The following DCBLD1 variants were observed in gnomAD, a reference collection of about 807,000 sequenced individuals.
DCBLD1 encodes the protein discoidin, CUB and LCCL domain containing 1, also known as discoidin, CUB and LCCL domain-containing protein 1.
Under a neutral mutation model 71.5 loss-of-function variants are expected in DCBLD1, and 57 were observed. The observed-to-expected ratio is 0.80, with a 90% CI of 0.64 to 0.99. DCBLD1 has a LOEUF of 0.99. DCBLD1 is among the 50% of genes least tolerant of loss of function. The pLI is 0.00. For missense variants in DCBLD1, 891 were observed against 923.5 expected, an observed-to-expected ratio of 0.96 and a Z score of 0.46; for synonymous variants, 380 against 363.8, an observed-to-expected ratio of 1.04 and a Z score of -0.51.
intron 14 of DCBLD1, chr6:117,547,693 C>A: frequency 1.0e-6 from 1 of 994,328 alleles, no homozygotes; most frequent in Non-Finnish European, 1.6e-6. Context: ...TGAGAAGACC[C>A]TGCGAAGCTT....
At chr6:117,537,916 A>G (rs1778954332) in intron 7 of DCBLD1, among the ~76,000 whole-genome samples, 10 of 152,132 alleles carry the variant, frequency 6.6e-5, no homozygotes, top group Admixed American at 6.5e-4. Flanking sequence ...AAATCCCTTT[A>G]TCTTAGATTT....
intron 14 of DCBLD1, chr6:117,566,902 G>T (rs776807686): frequency 6.2e-7 from 1 of 1,605,780 alleles, no homozygotes; most frequent in South Asian, 1.1e-5. Context: ...CTAGCACCAG[G>T]GTTACCACCT....
intron 11 of DCBLD1, among the ~76,000 whole-genome samples, chr6:117,542,153 C>T (rs12197657): frequency 0.011 from 1,613 of 151,938 alleles, 19 homozygotes; most frequent in Non-Finnish European, 0.016. Flanking sequence ...ATTAGCTGGG[C>T]GTGGCAGCAT....
intron 14 of DCBLD1, chr6:117,562,027 A>G (rs1039738079): frequency 6.3e-5 from 13 of 206,020 alleles, no homozygotes; most frequent in African/African-American, 2.5e-4. Flanking sequence ...CCTTTAAAAC[A>G]GTGATATTAG....
chr6:117,549,365 A>G lies in DCBLD1; in HGVS notation c.*926A>G. On this transcript the variant is annotated 3_prime_UTR_variant, in exon 15 of 15. Transcript: ENST00000338728. ...TGCAAAAGTGATTCTGACCAAGTCT[A>G]AATCGAGCTTTTCTACTGACATGAA... The G allele has an allele frequency of 1.0e-6, 1 of 985,436 alleles. No individual in the cohort carries two copies. The highest frequency in any genetic ancestry group is 1.2e-6 in the Non-Finnish European group (1 of 829,928). The allele number at this position is 985,436 out of a possible 1,614,324, so 61.0% of individuals were successfully genotyped here.
chr6:117,562,133 T>A (rs1474101434), intron 14 of DCBLD1: 1 of 206,578 alleles, frequency 4.8e-6, no homozygotes, highest in Admixed American at 5.9e-5. Flanking sequence ...ACTCCATGTT[T>A]AATCATGGGA....
At chr6:117,542,075 C>T (rs1029061128) in intron 11 of DCBLD1, among the ~76,000 whole-genome samples, 1 of 152,028 alleles carries the variant, frequency 6.6e-6, no homozygotes, top group Admixed American at 6.5e-5. Flanking sequence ...GGCGGATTGC[C>T]TGAGCTCAGG....
chr6:117,560,411 T>C (rs1583044571), intron 14 of DCBLD1: 2 of 187,982 alleles, frequency 1.1e-5, no homozygotes, highest in South Asian at 2.0e-4. Context: ...ATGCAATAGA[T>C]TTGAGGCCAA....
intron 14 of DCBLD1, 96 bp from the exon 15 acceptor site, chr6:117,547,811 C>T (rs1779319720): frequency 1.2e-5 from 18 of 1,544,238 alleles, no homozygotes; most frequent in Non-Finnish European, 1.6e-5. Context: ...GGGGGAAAGT[C>T]AGTCACCACG....
In DCBLD1 at chr6:117,503,795, T is replaced by G. The variant is rs373736792; in HGVS notation, c.141T>G (p.Tyr47Ter). 6.2e-7 allele frequency: 1 copy of G among 1,613,982 alleles called. No individual in the cohort carries two copies. The highest frequency in any genetic ancestry group is 8.5e-7 in the Non-Finnish European group (1 of 1,179,992). ...LGDGCGHLVT[Y>*]QDSGTMTSKN... ...ATGGCTGTGGACACCTAGTGACTTA[T>G]CAGGATAGTGGCACAATGACATCTA... Residue 47 changes from tyrosine to a stop codon, truncating the protein, a stop_gained, in exon 2 of 15, where the codon TAT becomes TAG. Transcript: ENST00000338728. LOFTEE classifies it high-confidence loss of function.
chr6:117,565,750 G>A (rs1194826623), intron 14 of DCBLD1, among the ~76,000 whole-genome samples: 1 of 152,154 alleles, frequency 6.6e-6, no homozygotes, highest in African/African-American at 2.4e-5. Context: ...ATTATCAGTT[G>A]TCTTTCCTGA....
intron 1 of DCBLD1, among the ~76,000 whole-genome samples, chr6:117,491,698 GTC>G (rs1777298836): frequency 6.6e-6 from 1 of 152,192 alleles, no homozygotes; most frequent in East Asian, 1.9e-4. Flanking sequence ...TCCAAACAAG[GTC>G]TACATATTAG....
At chr6:117,517,767 C>T (rs1778252145) in intron 2 of DCBLD1, among the ~76,000 whole-genome samples, 1 of 152,166 alleles carries the variant, frequency 6.6e-6, no homozygotes, top group African/African-American at 2.4e-5. Context: ...ACGTTGTCCC[C>T]TTCCAGCCAT....
chr6:117,559,684 C>T (rs996967254), intron 14 of DCBLD1, among the ~76,000 whole-genome samples: 1 of 152,090 alleles, frequency 6.6e-6, no homozygotes, highest in Non-Finnish European at 1.5e-5. Flanking sequence ...CAACAGTGCA[C>T]GGTAATTTGC....
chr6:117,496,066 T>C (rs898629698), intron 1 of DCBLD1, among the ~76,000 whole-genome samples: 1 of 152,252 alleles, frequency 6.6e-6, no homozygotes, highest in Non-Finnish European at 1.5e-5. Context: ...TCCTTGTGTT[T>C]CCTTTTATTT....
At chr6:117,531,736 C>CT (rs1237591804) in intron 5 of DCBLD1, among the ~76,000 whole-genome samples, 4 of 152,196 alleles carry the variant, frequency 2.6e-5, no homozygotes, top group Admixed American at 2.6e-4. Context: ...TGATAAATCT[C>CT]TAATTTAAAA....
Position 117,519,848 on chromosome 6 carries a change from G to T in DCBLD1, c.358G>T (p.Glu120Ter), listed in dbSNP as rs866727389. The T allele has an allele frequency of 1.2e-5, 19 of 1,613,940 alleles. No individual in the cohort carries two copies. The highest frequency in any genetic ancestry group is 2.7e-5 in the African/African-American group (2 of 74,936). Residue 120 changes from glutamate (E) to a stop codon, truncating the protein, a stop_gained, in exon 3 of 15, where the codon GAA (glutamate) becomes TAA (stop). Transcript: ENST00000338728. LOFTEE classifies it high-confidence loss of function. ...PYCGSMTVPKELLLNTSEVTV... is the reference protein window; with the variant it reads ...PYCGSMTVPK ...CTGTGGAAGTATGACTGTTCCCAAA[G>T]AACTCTTGTTGAACACAAGTGAAGT... is the stretch of plus-strand genomic sequence containing the variant.
At chr6:117,498,635 A>C (rs913019131) in intron 1 of DCBLD1, among the ~76,000 whole-genome samples, 8 of 151,982 alleles carry the variant, frequency 5.3e-5, no homozygotes, top group African/African-American at 1.9e-4. Context: ...ATGGATCTTT[A>C]TTTCTTTTAA....
rs1779358631 is a variant in DCBLD1 at position 117,548,586 on chromosome 6, A to G, written c.*147A>G. On this transcript the variant is annotated 3_prime_UTR_variant, in exon 15 of 15. Coordinates refer to ENST00000338728, the MANE Select transcript of DCBLD1 (RefSeq NM_001366458.2). ...TGTGTGTGATCCAGTAGGATCCTAG[A>G]GACAACCTGTCATACTGTTTACAAA... The G allele has an allele frequency of 3.4e-6, 5 of 1,454,314 alleles. No homozygotes were observed. The highest frequency in any genetic ancestry group is 2.0e-4 in the Middle Eastern group (1 of 4,950). 90.1% of individuals were successfully genotyped at this position (1,454,314 alleles called of 1,614,324 possible). A position where few individuals can be genotyped will look rare whatever the true frequency, so the allele number is the denominator to read the frequency against.
Sources: gnomAD v4.1 joint callset for allele counts (sites outside exome capture counted in the v4.1 genomes callset) on GRCh38, gnomAD v4.1.1 for gene constraint, MANE v1.5 for transcripts, NCBI Gene and HGNC (gene_info 2026-07-23, HGNC 2026-07-21) for gene names.